ZNF831: variants seen among roughly 807,000 people sequenced by gnomAD.
ZNF831 encodes chromosome 20 open reading frame 174.
A neutral mutation model predicts 95.8 loss-of-function variants in ZNF831; 59 were observed. The observed-to-expected ratio is 0.62, with a 90% CI of 0.50 to 0.77. The LOEUF is 0.77. ZNF831 is among the 30% of genes least tolerant of loss of function. The pLI is 0.00. For synonymous variants in ZNF831, 961 were observed against 925.5 expected (o/e 1.04, Z -0.70); for missense variants, 2,205 against 2,164.0 (o/e 1.02, Z -0.38).
intron 4 of ZNF831, among the ~76,000 whole-genome samples, chr20:59,229,485 T>G (rs190491877): frequency 1.6e-3 from 248 of 152,270 alleles, no homozygotes; most frequent in African/African-American, 4.5e-3. Context: ...AAAATCACAT[T>G]GCATAGGGCA....
chr20:59,143,611 G>C (rs1057478018), intron 1 of ZNF831, among the ~76,000 whole-genome samples: 1 of 152,218 alleles, frequency 6.6e-6, no homozygotes, highest in Admixed American at 6.5e-5. Context: ...CATGTCCTGG[G>C]CCTGTGGAAT....
chr20:59,206,906 T>C lies in ZNF831; in HGVS notation c.3877T>C (p.Tyr1293His). 1 of 1,613,690 alleles carries C rather than the reference T, an allele frequency of 6.2e-7. No homozygotes were observed. Among genetic ancestry groups the C allele is most frequent in the Non-Finnish European group, 8.5e-7 (1 of 1,179,856 alleles). ...CAAGCATGCTTCTCTCTTCTACAGGTACAAAGGGAATTTCTTGCAGAGCTG... is the reference window on the plus strand; with the variant it reads ...CAAGCATGCTTCTCTCTTCTACAGGCACAAAGGGAATTTCTTGCAGAGCTG... ...QRKLKINPKR[Y>H]KGNFLQSCVQ... The change falls in exon 4 of 6, where the codon TAC (tyrosine) becomes CAC (histidine). Residue 1293 changes from tyrosine (Y) to histidine (H), a missense_variant and splice_region_variant. By Grantham distance (83) the Tyr-to-His change is moderately conservative. Transcript: ENST00000371030.
chr20:59,250,920 A>C (rs1049112490), intron 4 of ZNF831, among the ~76,000 whole-genome samples: 4 of 152,190 alleles, frequency 2.6e-5, no homozygotes, highest in African/African-American at 9.6e-5. Context: ...GGGCAATTCT[A>C]GAAAGAGAGA....
At chr20:59,178,053 G>A (rs1387360980) in intron 1 of ZNF831, among the ~76,000 whole-genome samples, 1 of 152,216 alleles carries the variant, frequency 6.6e-6, no homozygotes, top group Non-Finnish European at 1.5e-5. Flanking sequence ...GCGGCGAGAA[G>A]CTTGTATTTT....
At chr20:59,185,223 A>G (rs1329526702) in intron 1 of ZNF831, among the ~76,000 whole-genome samples, 1 of 152,136 alleles carries the variant, frequency 6.6e-6, no homozygotes, top group Non-Finnish European at 1.5e-5. Flanking sequence ...GGTTTTCCTG[A>G]GAAAAGCGTC....
chr20:59,233,039 C>CAT (rs1305135472), intron 4 of ZNF831, among the ~76,000 whole-genome samples: 98 of 131,420 alleles, frequency 7.5e-4, no homozygotes, highest in East Asian at 5.6e-3. Flanking sequence ...CACACACACA[C>CAT]ACACATAGAG....
At chr20:59,233,386 A>G (rs1193491704) in intron 4 of ZNF831, among the ~76,000 whole-genome samples, 1 of 152,006 alleles carries the variant, frequency 6.6e-6, no homozygotes, top group Non-Finnish European at 1.5e-5. Context: ...GTGGTGGGGG[A>G]AAAAATCTGA....
intron 4 of ZNF831, among the ~76,000 whole-genome samples, chr20:59,236,495 T>G (rs1987007404): frequency 6.6e-6 from 1 of 151,994 alleles, no homozygotes; most frequent in Non-Finnish European, 1.5e-5. Context: ...CTCACTGTGT[T>G]GCCCACTCTG....
intron 2 of ZNF831, among the ~76,000 whole-genome samples, chr20:59,153,435 G>T (rs752672715): frequency 1.3e-5 from 2 of 152,240 alleles, no homozygotes; most frequent in African/African-American, 4.8e-5. Flanking sequence ...CCCTGGGAGC[G>T]GAAGGCTTGG....
At chr20:59,176,227 G>T (rs976822117) in intron 1 of ZNF831, among the ~76,000 whole-genome samples, 3 of 152,168 alleles carry the variant, frequency 2.0e-5, no homozygotes, top group Non-Finnish European at 2.9e-5. Flanking sequence ...CAAAAAAGCC[G>T]CATAATATGT....
chr20:59,124,064 G>A (rs1979086981), intron 1 of ZNF831, among the ~76,000 whole-genome samples: 1 of 152,182 alleles, frequency 6.6e-6, no homozygotes, highest in Admixed American at 6.5e-5. Context: ...GTTCAGGTGC[G>A]GGGACAAGGT....
In ZNF831 at chr20:59,255,763, C is replaced by T. The variant is rs1482312314; in HGVS notation, c.*1020C>T. 6.6e-6 allele frequency: 1 copy of T among 152,194 alleles called. No homozygotes were observed. Among genetic ancestry groups the T allele is most frequent in the East Asian group, 1.9e-4 (1 of 5,198 alleles). The allele number at this position is 152,194 out of a possible 1,614,324, so 9.4% of individuals were successfully genotyped here. Reference sequence around the variant, plus strand: ...TAATTGGAGTTTTGACGCTGTTTTACATCTCGGTAATTTTATTTTCGGGGC... The same window carrying T: ...TAATTGGAGTTTTGACGCTGTTTTATATCTCGGTAATTTTATTTTCGGGGC... On this transcript the variant is annotated 3_prime_UTR_variant, in exon 6 of 6. Transcript: ENST00000371030.
At chr20:59,201,538 G>A (rs778757718) in intron 3 of ZNF831, among the ~76,000 whole-genome samples, 1 of 152,138 alleles carries the variant, frequency 6.6e-6, no homozygotes, top group Non-Finnish European at 1.5e-5. Flanking sequence ...TTAAAAAAGT[G>A]TGTCTAAACA....
At chr20:59,135,350 C>G (rs185658022) in intron 1 of ZNF831, among the ~76,000 whole-genome samples, 1 of 151,818 alleles carries the variant, frequency 6.6e-6, no homozygotes, top group African/African-American at 2.4e-5. Context: ...ACTTTGGAGG[C>G]GAGATTGGGA....
intron 4 of ZNF831, among the ~76,000 whole-genome samples, chr20:59,224,154 G>A (rs914466594): frequency 1.3e-5 from 2 of 152,254 alleles, no homozygotes; most frequent in African/African-American, 4.8e-5. Context: ...TTGGAAATGT[G>A]ATGGTGCGTG....
intron 4 of ZNF831, among the ~76,000 whole-genome samples, chr20:59,241,512 TTTTATACG>T (rs1441616696): frequency 2.4e-4 from 36 of 152,348 alleles, no homozygotes; most frequent in African/African-American, 8.2e-4. Flanking sequence ...TATTACAAAC[TTTTATACG>T]TTTATAAGAA....
intron 2 of ZNF831, among the ~76,000 whole-genome samples, chr20:59,195,379 C>T (rs1286360120): frequency 6.6e-6 from 1 of 152,190 alleles, no homozygotes; most frequent in East Asian, 1.9e-4. Flanking sequence ...TGGGCCGCGG[C>T]CACTGAGGAC....
At chr20:59,174,644 G>A (rs1981996220) in intron 1 of ZNF831, among the ~76,000 whole-genome samples, 1 of 151,598 alleles carries the variant, frequency 6.6e-6, no homozygotes, top group Non-Finnish European at 1.5e-5. Flanking sequence ...GAGCCCAGGA[G>A]GTTGAGGCTG....
intron 2 of ZNF831, among the ~76,000 whole-genome samples, chr20:59,156,836 A>G (rs908231171): frequency 6.6e-6 from 1 of 152,272 alleles, no homozygotes; most frequent in Non-Finnish European, 1.5e-5. Flanking sequence ...TTGCAAAGGC[A>G]GAATTCTTAA....
Sources: gnomAD v4.1 joint callset for allele counts (sites outside exome capture counted in the v4.1 genomes callset) on GRCh38, gnomAD v4.1.1 for gene constraint, MANE v1.5 for transcripts, NCBI Gene and HGNC (gene_info 2026-07-23, HGNC 2026-07-21) for gene names.